The following IAPP variants were observed in gnomAD, a reference collection of about 807,000 sequenced individuals.
The protein encoded by IAPP is islet amyloid polypeptide.
IAPP carries 4 observed loss-of-function variants against 2.9 expected under a neutral mutation model. The ratio of observed to expected loss-of-function variants is 1.39; its 90% confidence interval spans 0.69 to 3.19. The LOEUF (loss-of-function observed/expected upper bound fraction) is 3.19, where lower values mean the gene tolerates loss of function less well. IAPP is among the 30% of genes most tolerant of loss of function. The pLI, the probability that IAPP is intolerant of heterozygous loss-of-function variation, is 0.01. For missense variants in IAPP, 114 were observed against 105.3 expected (o/e 1.08, Z -0.36); for synonymous variants, 40 against 42.1 (o/e 0.95, Z 0.19).
intron 1 of IAPP, among the ~76,000 whole-genome samples, chr12:21,360,277 A>C (rs1938727539): frequency 6.6e-6 from 1 of 152,250 alleles, no homozygotes; most frequent in Non-Finnish European, 1.5e-5. Flanking sequence ...AAAACCAGTC[A>C]AATTATACAT....
At chr12:21,376,522 A>G (rs1174830327) in intron 2 of IAPP, among the ~76,000 whole-genome samples, 2 of 152,172 alleles carry the variant, frequency 1.3e-5, no homozygotes, top group Non-Finnish European at 2.9e-5. Flanking sequence ...AGGTTAAATA[A>G]TTAGATCCCA....
At chr12:21,357,399 A>G (rs1389579948) in intron 1 of IAPP, among the ~76,000 whole-genome samples, 2 of 152,218 alleles carry the variant, frequency 1.3e-5, no homozygotes, top group African/African-American at 4.8e-5. Context: ...AGCTAGAAAG[A>G]GGCATGGAAC....
In IAPP at chr12:21,378,285, G is replaced by A. The variant is rs544638006; in HGVS notation, c.129G>A (p.Gln43=). ...GCAACACTGCCACATGTGCAACGCA[G>A]CGCCTGGCAAATTTTTTAGTTCATT... ...RKCNTATCAT[Q]RLANFLVHSS... Residue 43 remains glutamine, a synonymous_variant, in exon 3 of 3, where the codon CAG becomes CAA. Coordinates refer to ENST00000240652, the MANE Select transcript of IAPP (RefSeq NM_000415.3). The A allele has an allele frequency of 7.4e-6, 12 of 1,614,204 alleles. No homozygotes were observed. The East Asian group carries it at 2.2e-4, about 30-fold the overall frequency.
At position 21,373,422 on chromosome 12, in the gene IAPP, C is replaced by T; in HGVS notation, c.71C>T (p.Pro24Leu). The change falls in exon 2 of 3, where the codon CCC becomes CTC. Residue 24 changes from proline to leucine, a missense_variant. Pro to Leu is a moderately conservative substitution (Grantham distance 98). Transcript: ENST00000240652. ...GCATTGAACCATCTGAAAGCTACAC[C>T]CATTGAAAGGTTGGTAACTTTAAAA... The part of the protein sequence containing the change: ...SVALNHLKAT[P>L]IESHQVEKRK... 6.2e-7 allele frequency: 1 copy of T among 1,610,544 alleles called. No individual in the cohort carries two copies. The highest frequency in any genetic ancestry group is 8.5e-7 in the Non-Finnish European group (1 of 1,176,906).
At chr12:21,360,600 C>A (rs7960160) in intron 1 of IAPP, among the ~76,000 whole-genome samples, 7,867 of 152,252 alleles carry the variant, frequency 0.052, 286 homozygotes, top group Non-Finnish European at 0.079. Context: ...TTGCCTCACC[C>A]AGGAAGCACA....
rs369714240 is a variant in IAPP, at chr12:21,378,307, C to T, written c.151C>T (p.His51Tyr). The T allele has an allele frequency of 2.5e-6, 4 of 1,614,164 alleles. No individual in the cohort carries two copies. Among genetic ancestry groups the T allele is most frequent in the Non-Finnish European group, 2.5e-6 (3 of 1,180,016 alleles). Residue 51 changes from histidine to tyrosine, a missense_variant, in exon 3 of 3, where the codon CAT (histidine) becomes TAT (tyrosine). Physicochemically the swap from His to Tyr is moderately conservative, Grantham distance 83. Coordinates refer to ENST00000240652, the MANE Select transcript of IAPP (RefSeq NM_000415.3). Reference protein sequence around the residue: ...ATQRLANFLVHSSNNFGAILS... With the variant: ...ATQRLANFLVYSSNNFGAILS... ...GCAGCGCCTGGCAAATTTTTTAGTT[C>T]ATTCCAGCAACAACTTTGGTGCCAT...
intron 2 of IAPP, among the ~76,000 whole-genome samples, chr12:21,374,747 T>G (rs17680758): frequency 0.055 from 8,443 of 152,302 alleles, 331 homozygotes; most frequent in Non-Finnish European, 0.084. Context: ...ATCTTGATAC[T>G]TTCTTTCAAT....
chr12:21,371,477 G>A (rs555636081), upstream of IAPP, among the ~76,000 whole-genome samples: 1 of 152,112 alleles, frequency 6.6e-6, no homozygotes, highest in Admixed American at 6.5e-5. Context: ...TTAGAACAAG[G>A]ATTCTAAACA....
chr12:21,378,327 T>G lies in IAPP; in HGVS notation c.171T>G (p.Gly57=). The change falls in exon 3 of 3, where the codon GGT becomes GGG. Residue 57 remains glycine (G), a synonymous_variant. Coordinates refer to ENST00000240652, the MANE Select transcript of IAPP (RefSeq NM_000415.3). The part of the protein sequence containing the change: ...NFLVHSSNNF[G]AILSSTNVGS... ...TAGTTCATTCCAGCAACAACTTTGGTGCCATTCTCTCATCTACCAACGTGG... is the reference window on the plus strand; with the variant it reads ...TAGTTCATTCCAGCAACAACTTTGGGGCCATTCTCTCATCTACCAACGTGG... 6.2e-7 allele frequency: 1 copy of G among 1,614,194 alleles called. No individual in the cohort carries two copies. Among genetic ancestry groups the G allele is most frequent in the Non-Finnish European group, 8.5e-7 (1 of 1,180,002 alleles).
intron 1 of IAPP, among the ~76,000 whole-genome samples, chr12:21,356,132 G>T (rs910072220): frequency 6.6e-6 from 1 of 151,942 alleles, no homozygotes; most frequent in East Asian, 1.9e-4. Flanking sequence ...AGTAACTAGC[G>T]CTGTGACTTT....
chr12:21,366,159 T>C lies in IAPP; in HGVS notation c.-15-7178T>C, dbSNP rs375218769. Among the ~76,000 whole-genome samples, 108 of 152,184 alleles carry C rather than the reference T, an allele frequency of 7.1e-4. 2 individuals are homozygous for C. The South Asian group carries it at 0.022, about 31-fold the overall frequency. ...GACTTGGAACCAACCCAAATGTCCA[T>C]CAGTGATAGACTGGATTAAGAAAAT... On this transcript the variant is annotated intron_variant, in intron 1 of 2. Transcript: ENST00000539393.
At chr12:21,359,932 T>C (rs1409765984) in intron 1 of IAPP, among the ~76,000 whole-genome samples, 1 of 152,030 alleles carries the variant, frequency 6.6e-6, no homozygotes, top group African/African-American at 2.4e-5. Context: ...TGTAATATAT[T>C]CACACAATGA....
chr12:21,360,287 T>C (rs1306326268), intron 1 of IAPP, among the ~76,000 whole-genome samples: 1 of 152,248 alleles, frequency 6.6e-6, no homozygotes, highest in Non-Finnish European at 1.5e-5. Flanking sequence ...AAATTATACA[T>C]TTTAAATATG....
chr12:21,371,765 G>A (rs1377839076), upstream of IAPP, among the ~76,000 whole-genome samples: 1 of 152,150 alleles, frequency 6.6e-6, no homozygotes, highest in African/African-American at 2.4e-5. Flanking sequence ...CACTTTGGGA[G>A]GCAGAAGTGG....
At chr12:21,363,172 G>C (rs1458814058) in intron 1 of IAPP, among the ~76,000 whole-genome samples, 1 of 152,110 alleles carries the variant, frequency 6.6e-6, no homozygotes, top group Admixed American at 6.5e-5. Flanking sequence ...AAATGTAAAA[G>C]AACAGAAATT....
chr12:21,367,704 G>A (rs1053128878), intron 1 of IAPP, among the ~76,000 whole-genome samples: 11 of 151,730 alleles, frequency 7.2e-5, no homozygotes, highest in African/African-American at 2.2e-4. Flanking sequence ...ATAAAATCAC[G>A]CCATTCATCA....
At chr12:21,371,055 C>T (rs560644932), upstream of IAPP, among the ~76,000 whole-genome samples, 27 of 152,266 alleles carry the variant, frequency 1.8e-4, no homozygotes, top group East Asian at 5.8e-4. Context: ...CAGCTTACGG[C>T]GGTTTTGCAG....
chr12:21,372,961 A>G lies in IAPP; in HGVS notation c.-59A>G, dbSNP rs547030424. 3.3e-5 allele frequency: 8 copies of G among 241,242 alleles called. No individual in the cohort carries two copies. The highest frequency in any genetic ancestry group is 4.8e-5 in the Non-Finnish European group (6 of 124,074). The allele number at this position is 241,242 out of a possible 1,614,324, so 14.9% of individuals were successfully genotyped here. ...ACTCTTTTCTTGAAGCTTTCTTTCT[A>G]TCAGAAGCATTTGCTGATATTGCTG... On this transcript the variant is annotated 5_prime_UTR_variant, in exon 1 of 3. Coordinates refer to ENST00000240652, the MANE Select transcript of IAPP (RefSeq NM_000415.3).
rs1040472080 is a variant in IAPP, at chr12:21,379,864, G to T, written c.*1438G>T. ...AGGTTACCAAATTGTAGAGGCTTTC[G>T]TTGGTGGTGGTAAGTGGTAGCGGTA... On this transcript the variant is annotated 3_prime_UTR_variant, in exon 3 of 3. Transcript: ENST00000240652. The T allele has an allele frequency of 6.6e-6, 1 of 152,128 alleles. No individual in the cohort carries two copies. Among genetic ancestry groups the T allele is most frequent in the Non-Finnish European group, 1.5e-5 (1 of 68,024 alleles). The allele number at this position is 152,128 out of a possible 1,614,324, so 9.4% of individuals were successfully genotyped here.
Sources: gnomAD v4.1 joint callset for allele counts (sites outside exome capture counted in the v4.1 genomes callset) on GRCh38, gnomAD v4.1.1 for gene constraint, MANE v1.5 for transcripts, NCBI Gene and HGNC (gene_info 2026-07-23, HGNC 2026-07-21) for gene names.